TDRP: variants seen among roughly 807,000 people sequenced by gnomAD.
TDRP encodes testis development-related protein.
Under a neutral mutation model 10.5 loss-of-function variants are expected in TDRP, and 12 were observed. That is an observed-to-expected ratio of 1.15 (90% CI 0.73 to 1.86). TDRP has a LOEUF of 1.86. TDRP is among the 40% of genes most tolerant of loss of function. The pLI, the probability that TDRP is intolerant of heterozygous loss-of-function variation, is 0.00. For missense variants in TDRP, 353 were observed against 229.2 expected (o/e 1.54, Z -3.49); for synonymous variants, 139 against 95.4 (o/e 1.46, Z -2.67).
chr8:491,618 T>C lies in TDRP; in HGVS notation c.*781A>G. 6.5e-7 allele frequency: 1 copy of C among 1,531,134 alleles called. No individual in the cohort carries two copies. 94.8% of individuals were successfully genotyped at this position (1,531,134 alleles called of 1,614,324 possible). On this transcript the variant is annotated 3_prime_UTR_variant, in exon 3 of 3. Transcript: ENST00000324079. ...TAACTCTCTATAATGAGCAAGACAATGTTTCCTAAATGAAATTATCAACTG... is the reference window on the plus strand; with the variant it reads ...TAACTCTCTATAATGAGCAAGACAACGTTTCCTAAATGAAATTATCAACTG...
At chr8:510,791 A>G (rs1801595714) in intron 1 of TDRP, among the ~76,000 whole-genome samples, 1 of 152,236 alleles carries the variant, frequency 6.6e-6, no homozygotes. Flanking sequence ...CCACATGAGA[A>G]AACAAAGTGC....
chr8:496,653 G>C (rs145235740), intron 1 of TDRP, among the ~76,000 whole-genome samples: 56 of 152,136 alleles, frequency 3.7e-4, no homozygotes, highest in African/African-American at 1.3e-3. Flanking sequence ...TTAAGCTGTC[G>C]TCACCACCTT....
At chr8:535,943 C>A (rs1298690689) in intron 1 of TDRP, among the ~76,000 whole-genome samples, 1 of 152,092 alleles carries the variant, frequency 6.6e-6, no homozygotes, top group South Asian at 2.1e-4. Context: ...AAGACAGTGA[C>A]TGACTCACAA....
intron 1 of TDRP, among the ~76,000 whole-genome samples, chr8:514,129 G>A (rs1486923016): frequency 6.6e-6 from 1 of 152,132 alleles, no homozygotes; most frequent in Non-Finnish European, 1.5e-5. Context: ...GGGGATTCAA[G>A]CCAAAATAAT....
intron 1 of TDRP, among the ~76,000 whole-genome samples, chr8:504,142 C>T (rs1041250816): frequency 2.0e-5 from 3 of 152,202 alleles, no homozygotes; most frequent in Non-Finnish European, 2.9e-5. Flanking sequence ...GGGTTCTGAC[C>T]GCAGCCCTGT....
At chr8:522,192 T>C (rs1379861970) in intron 1 of TDRP, among the ~76,000 whole-genome samples, 2 of 152,202 alleles carry the variant, frequency 1.3e-5, no homozygotes, top group African/African-American at 4.8e-5. Flanking sequence ...CCTTCAATCC[T>C]CTAAACGTTT....
At chr8:544,589 C>A (rs1384197101) in intron 1 of TDRP, 61 bp downstream of exon 1, 5 of 1,134,206 alleles carry the variant, frequency 4.4e-6, no homozygotes, top group Non-Finnish European at 4.4e-6. Context: ...CGCCGCCCAC[C>A]CTCGCCCTCC....
At chr8:526,839 C>T (rs547551709) in intron 1 of TDRP, among the ~76,000 whole-genome samples, 30 of 152,226 alleles carry the variant, frequency 2.0e-4, no homozygotes, top group Non-Finnish European at 3.4e-4. Flanking sequence ...CAACGTAGTA[C>T]TGGAAGTCCT....
intron 1 of TDRP, among the ~76,000 whole-genome samples, chr8:505,611 T>C (rs1399283762): frequency 6.6e-6 from 1 of 152,146 alleles, no homozygotes; most frequent in African/African-American, 2.4e-5. Context: ...ATGAAGGCCA[T>C]GAAGATCTCC....
At chr8:519,663 T>A (rs1291095056) in intron 1 of TDRP, among the ~76,000 whole-genome samples, 3 of 152,150 alleles carry the variant, frequency 2.0e-5, no homozygotes, top group Admixed American at 6.5e-5. Context: ...GCTCACTGCT[T>A]GTAAAAAGAA....
At chr8:517,310 T>C (rs895010569) in intron 1 of TDRP, among the ~76,000 whole-genome samples, 5 of 152,236 alleles carry the variant, frequency 3.3e-5, no homozygotes, top group African/African-American at 1.2e-4. Context: ...CAGCTGTCTC[T>C]TGTGGGGAGA....
chr8:519,217 G>C (rs1474022551), intron 1 of TDRP, among the ~76,000 whole-genome samples: 1 of 152,150 alleles, frequency 6.6e-6, no homozygotes, highest in Non-Finnish European at 1.5e-5. Flanking sequence ...TGTGCTGAGA[G>C]CATGCATGTT....
At chr8:541,298 T>G (rs1802489614) in intron 1 of TDRP, among the ~76,000 whole-genome samples, 1 of 152,150 alleles carries the variant, frequency 6.6e-6, no homozygotes, top group African/African-American at 2.4e-5. Flanking sequence ...TAAAGTAACA[T>G]AAAAACCACA....
At chr8:533,863 C>T (rs754666509) in intron 1 of TDRP, among the ~76,000 whole-genome samples, 51 of 152,042 alleles carry the variant, frequency 3.4e-4, no homozygotes, top group African/African-American at 1.0e-3. Context: ...GCTAATTTAC[C>T]GAGAACTGTT....
Position 494,613 on chromosome 8 carries a change from G to T in TDRP, c.109-16C>A. 6.2e-7 allele frequency: 1 copy of T among 1,607,956 alleles called. No homozygotes were observed. The highest frequency in any genetic ancestry group is 8.5e-7 in the Non-Finnish European group (1 of 1,175,084). ...CTCCCTGAACCTAATAAAAGGTTAA[G>T]AAAAATGTCAAATCTGATGTCATGA... On this transcript the variant is annotated splice_polypyrimidine_tract_variant and intron_variant, in intron 1 of 2. Coordinates refer to ENST00000324079, the MANE Select transcript of TDRP (RefSeq NM_001384899.1).
intron 1 of TDRP, among the ~76,000 whole-genome samples, chr8:531,561 T>C (rs190031870): frequency 9.1e-4 from 138 of 152,266 alleles, no homozygotes; most frequent in African/African-American, 3.1e-3. Flanking sequence ...AAACCACACA[T>C]ACGGACACTT....
At chr8:493,811 G>A (rs1305269884) in intron 2 of TDRP, among the ~76,000 whole-genome samples, 1 of 151,650 alleles carries the variant, frequency 6.6e-6, no homozygotes, top group Admixed American at 6.6e-5. Flanking sequence ...GTTTTTTTCT[G>A]AAACTACTAA....
rs552822650 is a variant in TDRP, at chr8:536,823, GAGCGAATA to G, written c.108+7819_108+7826del. On this transcript the variant is annotated intron_variant, in intron 1 of 2. Transcript: ENST00000324079. Reference sequence around the variant, plus strand: ...AGTTAAGAGGAGCCAGCTGAATCCGGAGCGAATAAGCAGCGCCCAGGATCCTCCTTCCC... The same window carrying G: ...AGTTAAGAGGAGCCAGCTGAATCCGGAGCAGCGCCCAGGATCCTCCTTCCC... Among the ~76,000 whole-genome samples the G allele has an allele frequency of 2.4e-3, 362 of 152,242 alleles. 1 individual carries two copies. The highest frequency in any genetic ancestry group is 4.5e-3 in the Non-Finnish European group (306 of 68,022).
At chr8:534,487 G>C (rs969966786) in intron 1 of TDRP, among the ~76,000 whole-genome samples, 3 of 152,178 alleles carry the variant, frequency 2.0e-5, no homozygotes, top group Non-Finnish European at 4.4e-5. Flanking sequence ...ACTCATGCCT[G>C]AGCCATCTCT....
Sources: allele counts gnomAD v4.1 joint callset (sites outside exome capture counted in the v4.1 genomes callset), GRCh38; gene constraint gnomAD v4.1.1; transcripts MANE v1.5; gene names NCBI Gene and HGNC (gene_info 2026-07-23, HGNC 2026-07-21).